The following ANKRD11 variants were observed in gnomAD, a reference collection of about 807,000 sequenced individuals.
ANKRD11 encodes ankyrin repeat domain-containing protein 11.
A neutral mutation model predicts 195.7 loss-of-function variants in ANKRD11; 17 were observed. That is an observed-to-expected ratio of 0.09 (90% confidence interval 0.06 to 0.13). ANKRD11 has a LOEUF of 0.13. Among genes scored for constraint, ANKRD11 ranks in the 10% least tolerant of loss-of-function variants. The pLI, the probability that ANKRD11 is intolerant of heterozygous loss-of-function variation, is 1.00. For synonymous variants in ANKRD11, 1,953 were observed against 1,528.1 expected, an observed-to-expected ratio of 1.28 and a Z score of -6.49; for missense variants, 3,735 against 3,566.1, an observed-to-expected ratio of 1.05 and a Z score of -1.21.
intron 2 of ANKRD11, among the ~76,000 whole-genome samples, chr16:89,365,983 G>A (rs996471536): frequency 1.8e-4 from 27 of 151,888 alleles, no homozygotes; most frequent in African/African-American, 6.5e-4. Flanking sequence ...TCCCTGCATT[G>A]GTTTGTTAAG....
rs199902915 is a variant in ANKRD11, at chr16:89,284,704, G to C, written c.1838C>G (p.Ser613Cys). The C allele has an allele frequency of 2.3e-5, 37 of 1,613,900 alleles. No individual in the cohort carries two copies. In the East Asian group the frequency reaches 8.0e-4, roughly 35 times the overall value. ...SLSEKKSPFL[S>C]SAEGAVPKLD... ...TTTGGGGACAGCGCCCTCCGCGCTG[G>C]ACAGGAAGGGGCTCTTCTTCTCCGA... Residue 613 changes from serine to cysteine, a missense_variant, in exon 9 of 13, where the codon TCC (serine) becomes TGC (cysteine). By Grantham distance (112) the Ser-to-Cys change is moderately radical. Transcript: ENST00000301030.
chr16:89,388,370 T>A (rs1472178100), intron 2 of ANKRD11, among the ~76,000 whole-genome samples: 2 of 144,418 alleles, frequency 1.4e-5, no homozygotes, highest in Non-Finnish European at 3.0e-5. Context: ...GACCTCGTGA[T>A]CTGCCCGCCT....
chr16:89,378,371 C>T (rs1189225111), intron 2 of ANKRD11, among the ~76,000 whole-genome samples: 2 of 152,146 alleles, frequency 1.3e-5, no homozygotes, highest in Non-Finnish European at 1.5e-5. Flanking sequence ...AAGGACCAAA[C>T]ATATATAATG....
chr16:89,396,334 G>A (rs921109494), intron 2 of ANKRD11, among the ~76,000 whole-genome samples: 1 of 152,120 alleles, frequency 6.6e-6, no homozygotes, highest in Non-Finnish European at 1.5e-5. Flanking sequence ...ACCTCCAGAT[G>A]TGGACACACA....
chr16:89,431,162 T>C (rs532041611), intron 1 of ANKRD11: 1 of 152,242 alleles, frequency 6.6e-6, no homozygotes, highest in East Asian at 1.9e-4. Flanking sequence ...AAGAATTGTT[T>C]ACAGAACTCT....
At chr16:89,327,084 AAATGCAGAGGTGGGG>A (rs1450022698) in intron 2 of ANKRD11, among the ~76,000 whole-genome samples, 1 of 150,486 alleles carries the variant, frequency 6.6e-6, no homozygotes, top group Non-Finnish European at 1.5e-5. Flanking sequence ...CAGAGGTTGG[AAATGCAGAGGTGGGG>A]AATGCAGAGG....
chr16:89,375,177 T>C (rs1427661694), intron 2 of ANKRD11, among the ~76,000 whole-genome samples: 1 of 152,130 alleles, frequency 6.6e-6, no homozygotes, highest in East Asian at 1.9e-4. Flanking sequence ...AGCCACAGCC[T>C]GTGCTACCGC....
intron 3 of ANKRD11, among the ~76,000 whole-genome samples, chr16:89,311,236 G>C (rs968422957): frequency 9.2e-5 from 14 of 152,132 alleles, no homozygotes; most frequent in African/African-American, 3.4e-4. Flanking sequence ...AACCCTACTT[G>C]GTTGGTCATG....
rs528155549 is a variant in ANKRD11, at chr16:89,427,712, C to A, written c.-144-9344G>T. Among the ~76,000 whole-genome samples the A allele has an allele frequency of 7.0e-4, 106 of 150,882 alleles. 1 individual carries two copies. In the South Asian group the frequency reaches 0.019, roughly 27 times the overall value. ...TACTTGGGAGGCTGAGGCAGGAGAA[C>A]TGCTTGAACCCAGGAGGCAGAGGTT... On this transcript the variant is annotated intron_variant, in intron 1 of 12. Coordinates refer to ENST00000301030, the MANE Select transcript of ANKRD11 (RefSeq NM_013275.6).
At chr16:89,457,332 C>T (rs1698796365) in intron 1 of ANKRD11, among the ~76,000 whole-genome samples, 1 of 150,742 alleles carries the variant, frequency 6.6e-6, no homozygotes, top group South Asian at 2.1e-4. Flanking sequence ...GGCGCAGTGG[C>T]TCACGCCTGT....
At chr16:89,348,625 T>C (rs1053904859) in intron 2 of ANKRD11, among the ~76,000 whole-genome samples, 3 of 152,232 alleles carry the variant, frequency 2.0e-5, no homozygotes, top group Non-Finnish European at 4.4e-5. Flanking sequence ...ATTTCTTTAA[T>C]AGATACAGGA....
chr16:89,358,030 T>C (rs2039564837), intron 2 of ANKRD11, among the ~76,000 whole-genome samples: 1 of 152,254 alleles, frequency 6.6e-6, no homozygotes, highest in African/African-American at 2.4e-5. Flanking sequence ...TTCCAAAGAC[T>C]GAACCCTCTT....
chr16:89,438,197 G>T (rs541672649), intron 1 of ANKRD11, among the ~76,000 whole-genome samples: 63 of 152,252 alleles, frequency 4.1e-4, no homozygotes, highest in African/African-American at 1.5e-3. Flanking sequence ...AGGAACAGCT[G>T]GCTTCTTATC....
rs370484574 is a variant in ANKRD11, at chr16:89,305,401, C to T, written c.88-57G>A. 3.1e-6 allele frequency: 5 copies of T among 1,611,588 alleles called. No individual in the cohort carries two copies. In the East Asian group the frequency reaches 6.7e-5, roughly 22 times the overall value. ...TGTCCAAATTACATTCTCAAGCTCT[C>T]AAGATTTTGTTTCATATGCCAGGAG... On this transcript the variant is annotated intron_variant, in intron 3 of 12. Coordinates refer to ENST00000301030, the MANE Select transcript of ANKRD11 (RefSeq NM_013275.6).
chr16:89,458,040 C>T (rs892100572), intron 1 of ANKRD11, among the ~76,000 whole-genome samples: 3 of 152,074 alleles, frequency 2.0e-5, no homozygotes, highest in African/African-American at 7.2e-5. Flanking sequence ...CAGCCATCCA[C>T]CTGCAACTCT....
At chr16:89,295,024 AT>A (rs1444694271) in intron 4 of ANKRD11, among the ~76,000 whole-genome samples, 1 of 152,210 alleles carries the variant, frequency 6.6e-6, no homozygotes, top group Non-Finnish European at 1.5e-5. Context: ...GCCAAATACA[AT>A]TTCTATGAAT....
intron 4 of ANKRD11, chr16:89,304,994 CA>C: frequency 1.5e-6 from 1 of 689,312 alleles, no homozygotes; most frequent in East Asian, 2.8e-5. Flanking sequence ...TGAAGCTCTC[CA>C]ATCGGCCCCA....
chr16:89,377,631 G>A (rs372101410), intron 2 of ANKRD11, among the ~76,000 whole-genome samples: 2 of 152,130 alleles, frequency 1.3e-5, no homozygotes, highest in Admixed American at 1.3e-4. Context: ...AGCAGTGACA[G>A]AAAACAAAGT....
intron 1 of ANKRD11, among the ~76,000 whole-genome samples, chr16:89,434,109 C>A (rs1294641410): frequency 6.6e-6 from 1 of 152,088 alleles, no homozygotes; most frequent in Non-Finnish European, 1.5e-5. Context: ...AAACAACAGG[C>A]CCCAAATGCA....
Sources: gnomAD v4.1 joint callset for allele counts (sites outside exome capture counted in the v4.1 genomes callset) on GRCh38, gnomAD v4.1.1 for gene constraint, MANE v1.5 for transcripts, NCBI Gene and HGNC (gene_info 2026-07-23, HGNC 2026-07-21) for gene names.